GNS: variants seen among roughly 807,000 people sequenced by gnomAD.
GNS encodes glucosamine (N-acetyl)-6-sulfatase, also known as N-acetylglucosamine-6-sulfatase.
Under a neutral mutation model 69.7 loss-of-function variants are expected in GNS, and 40 were observed. That is an observed-to-expected ratio of 0.57 (90% CI 0.45 to 0.75). The LOEUF is 0.75. GNS is among the 30% of genes least tolerant of loss of function. The pLI is 0.00. For synonymous variants in GNS, 243 were observed against 251.6 expected (o/e 0.97, Z 0.32); for missense variants, 565 against 685.5 (o/e 0.82, Z 1.96).
Position 64,743,264 on chromosome 12 carries a change from C to T in GNS, c.669G>A (p.Glu223=). The change falls in exon 6 of 14, where the codon GAG becomes GAA. Residue 223 remains glutamate, a synonymous_variant. Transcript: ENST00000258145. ...LDFLDYKSNF[E]PFFMMIATPA... ...GAGTGGCGATCATCATGAAGAAGGG[C>T]TCAAAGTTGGACTTGTAGTCCAGAA... 1 of 1,613,424 alleles carries T rather than the reference C, an allele frequency of 6.2e-7. No individual in the cohort carries two copies.
intron 1 of GNS, among the ~76,000 whole-genome samples, chr12:64,754,840 G>T (rs1243274012): frequency 6.6e-6 from 1 of 151,078 alleles, no homozygotes; most frequent in Non-Finnish European, 1.5e-5. Context: ...AGTGAGCTAT[G>T]ACTGCACCAC....
At chr12:64,721,905 T>A (rs1869041287) in intron 11 of GNS, among the ~76,000 whole-genome samples, 200 bp from the exon 12 acceptor site, 1 of 152,210 alleles carries the variant, frequency 6.6e-6, no homozygotes, top group African/African-American at 2.4e-5. Context: ...GGTATATGGG[T>A]TGTTCCATTT....
intron 9 of GNS, among the ~76,000 whole-genome samples, chr12:64,733,005 T>G (rs1490632064): frequency 2.6e-5 from 4 of 151,848 alleles, no homozygotes; most frequent in African/African-American, 9.7e-5. Context: ...AACCCTGGGG[T>G]AGACTGGCTG....
At chr12:64,725,993 C>G (rs1198988407) in intron 10 of GNS, among the ~76,000 whole-genome samples, 15 of 46,990 alleles carry the variant, frequency 3.2e-4, no homozygotes, top group African/African-American at 1.6e-3. Flanking sequence ...TAGACTCTGT[C>G]TCAAAAAAAA....
At chr12:64,742,937 C>T (rs1320059328) in intron 6 of GNS, among the ~76,000 whole-genome samples, 1 of 152,192 alleles carries the variant, frequency 6.6e-6, no homozygotes, top group African/African-American at 2.4e-5. Flanking sequence ...TGTCAACTCT[C>T]CAGCTGCTCA....
At chr12:64,731,241 T>A (rs1195657775) in intron 9 of GNS, among the ~76,000 whole-genome samples, 4 of 152,228 alleles carry the variant, frequency 2.6e-5, no homozygotes, top group Non-Finnish European at 5.9e-5. Flanking sequence ...GATGCCCAGC[T>A]AAATTTTGTA....
At chr12:64,723,293 A>G (rs1869091359) in intron 10 of GNS, among the ~76,000 whole-genome samples, 180 bp from the exon 11 acceptor site, 1 of 152,224 alleles carries the variant, frequency 6.6e-6, no homozygotes, top group Non-Finnish European at 1.5e-5. Flanking sequence ...TTTGGTAGTT[A>G]AGGGCCTTTA....
chr12:64,724,764 G>A (rs1366356856), intron 10 of GNS, among the ~76,000 whole-genome samples: 1 of 152,182 alleles, frequency 6.6e-6, no homozygotes, highest in Non-Finnish European at 1.5e-5. Context: ...GGGAGGCTGA[G>A]GCAGGATAAT....
In GNS at chr12:64,745,716, G is replaced by A. The variant is rs147780685; in HGVS notation, c.468C>T (p.Ala156=). The A allele has an allele frequency of 4.5e-5, 72 of 1,603,672 alleles. No individual in the cohort carries two copies. The African/African-American group carries it at 8.6e-4, about 19-fold the overall frequency. Residue 156 remains alanine, a synonymous_variant, in exon 4 of 14, where the codon GCC becomes GCT. Transcript: ENST00000258145. ...CGTGTTCTAGTCCACCTGCATCTGGGGCTCCGTACTGAAAAGCAAAACAAG... is the reference window on the plus strand; with the variant it reads ...CGTGTTCTAGTCCACCTGCATCTGGAGCTCCGTACTGAAAAGCAAAACAAG... ...FAGKYLNEYG[A]PDAGGLEHVP...
chr12:64,748,330 A>G, intron 2 of GNS, among the ~76,000 whole-genome samples: 1 of 150,496 alleles, frequency 6.6e-6, no homozygotes, highest in East Asian at 1.9e-4. Context: ...CCTCCCTAAC[A>G]GCTTGGAGTA....
chr12:64,750,411 G>A (rs1870042352), intron 2 of GNS, among the ~76,000 whole-genome samples: 1 of 151,818 alleles, frequency 6.6e-6, no homozygotes, highest in Non-Finnish European at 1.5e-5. Flanking sequence ...GCCCAGGCTG[G>A]TCTCAAACTC....
chr12:64,751,167 G>A (rs1449057474), intron 2 of GNS, among the ~76,000 whole-genome samples: 2 of 152,206 alleles, frequency 1.3e-5, no homozygotes, highest in South Asian at 2.1e-4. Flanking sequence ...GGGCTACATA[G>A]TGAGTGAGAC....
At chr12:64,717,597 A>G (rs1354054306) in intron 13 of GNS, among the ~76,000 whole-genome samples, 1 of 146,498 alleles carries the variant, frequency 6.8e-6, no homozygotes, top group Non-Finnish European at 1.5e-5. Flanking sequence ...TCCTGGGCTC[A>G]TGTGATCTGC....
At chr12:64,729,288 A>C in intron 9 of GNS, 1 of 518,882 alleles carries the variant, frequency 1.9e-6, no homozygotes, top group Non-Finnish European at 3.5e-6. Flanking sequence ...GGCAAGTTAC[A>C]TATTTATTCT....
At chr12:64,755,101 AAC>A (rs1421116444) in intron 1 of GNS, among the ~76,000 whole-genome samples, 2 of 152,092 alleles carry the variant, frequency 1.3e-5, no homozygotes, top group African/African-American at 2.4e-5. Flanking sequence ...AAGGCCATGC[AAC>A]AGTCTTTAAG....
rs115824568 is a variant in GNS at position 64,727,212 on chromosome 12, T to C, written c.1200+1744A>G. On this transcript the variant is annotated intron_variant, in intron 10 of 13. Coordinates refer to ENST00000258145, the MANE Select transcript of GNS (RefSeq NM_002076.4). ...ATCTTGGAAAACAAGGGAGGTTCTC[T>C]TGAGCCCAGGAGTTCGAGATCACCC... 8.5e-3 allele frequency among the ~76,000 whole-genome samples: 1,278 copies of C among 150,570 alleles called. 16 individuals are homozygous for C. Among genetic ancestry groups the C allele is most frequent in the African/African-American group, 0.03 (1,211 of 40,998 alleles).
intron 9 of GNS, among the ~76,000 whole-genome samples, chr12:64,736,303 T>C (rs577396420): frequency 2.0e-5 from 3 of 152,322 alleles, no homozygotes; most frequent in East Asian, 3.9e-4. Flanking sequence ...TGGCATATTA[T>C]GGCAGTTCTA....
At position 64,721,196 on chromosome 12, in the gene GNS, C is replaced by T. The variant is rs557342716; in HGVS notation, c.1419+399G>A. 2.0e-5 allele frequency among the ~76,000 whole-genome samples: 3 copies of T among 152,292 alleles called. No individual in the cohort carries two copies. In the South Asian group the frequency reaches 6.2e-4, roughly 32 times the overall value. ...CATGGATGGACTCCTGGGCCTCTGA[C>T]CCCCACTCTAATCTATTACAGCAGC... is the stretch of plus-strand genomic sequence containing the variant. On this transcript the variant is annotated intron_variant, in intron 12 of 13. Coordinates refer to ENST00000258145, the MANE Select transcript of GNS (RefSeq NM_002076.4).
At chr12:64,720,805 G>A (rs1438227613) in intron 12 of GNS, among the ~76,000 whole-genome samples, 2 of 152,200 alleles carry the variant, frequency 1.3e-5, no homozygotes, top group Non-Finnish European at 2.9e-5. Context: ...AGTCAAATGT[G>A]AGGCTAGAAA....
Sources: gnomAD v4.1 joint callset for allele counts (sites outside exome capture counted in the v4.1 genomes callset) on GRCh38, gnomAD v4.1.1 for gene constraint, MANE v1.5 for transcripts, NCBI Gene and HGNC (gene_info 2026-07-23, HGNC 2026-07-21) for gene names.